Variants in ADAM23 observed in about 807,000 individuals in gnomAD.
The protein encoded by ADAM23 is disintegrin and metalloproteinase domain-containing protein 23.
A neutral mutation model predicts 120.1 loss-of-function variants in ADAM23; 33 were observed. That is an observed-to-expected ratio of 0.27 (90% CI 0.21 to 0.37). The LOEUF is 0.37. ADAM23 is among the 10% of genes least tolerant of loss of function. The pLI is 1.00. For missense variants in ADAM23, 862 were observed against 1,058.2 expected, an observed-to-expected ratio of 0.81 and a Z score of 2.57; for synonymous variants, 367 against 375.2, an observed-to-expected ratio of 0.98 and a Z score of 0.25.
intron 3 of ADAM23, among the ~76,000 whole-genome samples, chr2:206,517,098 C>T (rs1419599853): frequency 1.3e-5 from 2 of 152,152 alleles, no homozygotes. Context: ...CACACGTATG[C>T]ACTTTCTTTG....
chr2:206,610,801 G>C (rs954681866), intron 25 of ADAM23, among the ~76,000 whole-genome samples: 2 of 152,144 alleles, frequency 1.3e-5, no homozygotes, highest in Admixed American at 1.3e-4. Flanking sequence ...TTGGATAATT[G>C]CTTTTTATAC....
intron 3 of ADAM23, among the ~76,000 whole-genome samples, chr2:206,486,950 C>T (rs2113379): frequency 0.7 from 106,939 of 152,056 alleles, 37,908 homozygotes; most frequent in African/African-American, 0.78. Flanking sequence ...GCATTCGCGT[C>T]CTGGACATTT....
chr2:206,514,273 C>G (rs1370152693), intron 3 of ADAM23, among the ~76,000 whole-genome samples: 1 of 152,144 alleles, frequency 6.6e-6, no homozygotes, highest in African/African-American at 2.4e-5. Context: ...ATTCTGGATT[C>G]CATTAAGAAC....
chr2:206,451,853 C>T (rs912449674), intron 2 of ADAM23, among the ~76,000 whole-genome samples: 2 of 152,136 alleles, frequency 1.3e-5, no homozygotes, highest in African/African-American at 2.4e-5. Flanking sequence ...AAGAGATGAG[C>T]GCATATTGAT....
intron 2 of ADAM23, among the ~76,000 whole-genome samples, chr2:206,468,427 A>T (rs1695585573): frequency 6.6e-6 from 1 of 152,206 alleles, no homozygotes. Flanking sequence ...TCTCAAGTTC[A>T]AAGTTCCATG....
intron 11 of ADAM23, 130 bp from the exon 12 acceptor site, chr2:206,560,998 A>T: frequency 1.5e-6 from 1 of 675,376 alleles, no homozygotes; most frequent in South Asian, 1.9e-5. Flanking sequence ...AGGTAGTTGA[A>T]ATAAAGTTTT....
At chr2:206,599,814 G>A (rs1698601665) in intron 24 of ADAM23, among the ~76,000 whole-genome samples, 5 of 152,156 alleles carry the variant, frequency 3.3e-5, no homozygotes, top group Admixed American at 1.3e-4. Context: ...CCTTGCCGAC[G>A]AGTAATAGGT....
At chr2:206,529,979 T>G (rs1697018350) in intron 3 of ADAM23, among the ~76,000 whole-genome samples, 1 of 152,150 alleles carries the variant, frequency 6.6e-6, no homozygotes, top group Non-Finnish European at 1.5e-5. Context: ...GCGCGGCTAA[T>G]TTTTGTATTT....
At chr2:206,485,158 T>G (rs920313441) in intron 3 of ADAM23, among the ~76,000 whole-genome samples, 78 of 152,306 alleles carry the variant, frequency 5.1e-4, no homozygotes, top group Non-Finnish European at 3.7e-4. Context: ...AAGGCTGGCA[T>G]GATGAACTGG....
At chr2:206,601,143 A>G (rs1698633325) in intron 24 of ADAM23, among the ~76,000 whole-genome samples, 1 of 152,244 alleles carries the variant, frequency 6.6e-6, no homozygotes, top group Non-Finnish European at 1.5e-5. Flanking sequence ...CAAGGTGCTT[A>G]CTATAGAATA....
At chr2:206,448,463 C>T (rs1695124454) in intron 2 of ADAM23, among the ~76,000 whole-genome samples, 1 of 151,810 alleles carries the variant, frequency 6.6e-6, no homozygotes, top group South Asian at 2.1e-4. Context: ...TTTCCTGGTA[C>T]ACAGCTTCGA....
chr2:206,445,664 C>T lies in ADAM23; in HGVS notation c.432+140C>T, dbSNP rs1695068933. Reference sequence around the variant, plus strand: ...AATTAATATTATGATAGGGGAGAAACTGGAAGGAATTAACTTGGGATCTAC... The same window carrying T: ...AATTAATATTATGATAGGGGAGAAATTGGAAGGAATTAACTTGGGATCTAC... On this transcript the variant is annotated intron_variant, in intron 2 of 25. Transcript: ENST00000264377. The T allele has an allele frequency of 2.2e-5, 16 of 719,760 alleles. No individual in the cohort carries two copies. In the South Asian group the frequency reaches 3.1e-4, roughly 14 times the overall value. The allele number at this position is 719,760 out of a possible 1,614,324, so 44.6% of individuals were successfully genotyped here.
At chr2:206,514,670 C>T (rs1696694166) in intron 3 of ADAM23, among the ~76,000 whole-genome samples, 1 of 152,172 alleles carries the variant, frequency 6.6e-6, no homozygotes, top group Non-Finnish European at 1.5e-5. Context: ...AAAATGCTGT[C>T]ACACAGCATC....
intron 18 of ADAM23, among the ~76,000 whole-genome samples, chr2:206,573,703 A>G (rs1416212680): frequency 2.0e-5 from 3 of 152,208 alleles, no homozygotes; most frequent in African/African-American, 4.8e-5. Context: ...CATCACCCAG[A>G]TAACTGTATC....
intron 17 of ADAM23, 122 bp downstream of exon 17, chr2:206,571,938 T>A: frequency 1.3e-6 from 1 of 753,402 alleles, no homozygotes; most frequent in Non-Finnish European, 2.2e-6. Context: ...CATATTAGCC[T>A]GGCAGTTTTC....
At chr2:206,465,152 C>A (rs1040847101) in intron 2 of ADAM23, among the ~76,000 whole-genome samples, 14 of 152,230 alleles carry the variant, frequency 9.2e-5, no homozygotes, top group South Asian at 2.1e-4. Context: ...CTTAAGCAAT[C>A]CTCAGCCTCT....
chr2:206,505,690 C>T (rs1696483142), intron 3 of ADAM23, among the ~76,000 whole-genome samples: 1 of 152,310 alleles, frequency 6.6e-6, no homozygotes, highest in South Asian at 2.1e-4. Context: ...TCACTTTCCA[C>T]AAGGCCCTAC....
At chr2:206,550,783 A>G (rs1166685778) in intron 9 of ADAM23, among the ~76,000 whole-genome samples, 1 of 151,934 alleles carries the variant, frequency 6.6e-6, no homozygotes, top group Admixed American at 6.6e-5. Flanking sequence ...TTGTATTTTT[A>G]GTAGAGACGG....
In ADAM23 at chr2:206,473,418, A is replaced by G. The variant is rs13402907; in HGVS notation, c.433-7814A>G. Among the ~76,000 whole-genome samples, 513 of 152,082 alleles carry G rather than the reference A, an allele frequency of 3.4e-3. 3 individuals are homozygous for G. The highest frequency in any genetic ancestry group is 0.012 in the African/African-American group (492 of 41,482). ...CCAAATTTGGTAATTAATCATGCTT[A>G]TATTGTGTGTGGTATCTTTACAAAT... On this transcript the variant is annotated intron_variant, in intron 2 of 25. Transcript: ENST00000264377.
Sources: gnomAD v4.1 joint callset for allele counts (sites outside exome capture counted in the v4.1 genomes callset) on GRCh38, gnomAD v4.1.1 for gene constraint, MANE v1.5 for transcripts, NCBI Gene and HGNC (gene_info 2026-07-23, HGNC 2026-07-21) for gene names.